The following LRRTM4 variants were observed in gnomAD, a reference collection of about 807,000 sequenced individuals.
LRRTM4 encodes the protein leucine rich repeat transmembrane neuronal 4, also known as leucine-rich repeat transmembrane neuronal protein 4.
LRRTM4 carries 25 observed loss-of-function variants against 47.6 expected under a neutral mutation model. That is an observed-to-expected ratio of 0.53 (90% confidence interval 0.38 to 0.73). The LOEUF (loss-of-function observed/expected upper bound fraction) is 0.73, where lower values mean the gene tolerates loss of function less well. Among genes scored for constraint, LRRTM4 ranks in the 30% least tolerant of loss-of-function variants. The pLI is 0.00. For synonymous variants in LRRTM4, 311 were observed against 269.5 expected (o/e 1.15, Z -1.51); for missense variants, 638 against 713.4 (o/e 0.89, Z 1.20).
chr2:76,777,325 A>T (rs1674072653), intron 3 of LRRTM4, among the ~76,000 whole-genome samples: 1 of 142,418 alleles, frequency 7.0e-6, no homozygotes, highest in Non-Finnish European at 1.5e-5. Context: ...TGGGGATGGC[A>T]TTGAATCTGT....
chr2:77,023,025 T>C (rs758816083), intron 3 of LRRTM4, among the ~76,000 whole-genome samples: 5 of 152,364 alleles, frequency 3.3e-5, no homozygotes, highest in South Asian at 2.1e-4. Flanking sequence ...AACTTCTGCC[T>C]GGACATCCAG....
intron 3 of LRRTM4, among the ~76,000 whole-genome samples, chr2:77,265,316 G>C (rs944925617): frequency 1.3e-5 from 2 of 152,102 alleles, no homozygotes; most frequent in African/African-American, 2.4e-5. Context: ...CAACAGTGTT[G>C]ATAGGTGGAA....
At chr2:76,824,228 T>A (rs1484061739) in intron 3 of LRRTM4, among the ~76,000 whole-genome samples, 1 of 151,584 alleles carries the variant, frequency 6.6e-6, no homozygotes. Context: ...CGTGTTTGCC[T>A]CCGTTTGTAT....
chr2:77,471,975 T>C (rs775120043), intron 3 of LRRTM4, among the ~76,000 whole-genome samples: 1 of 152,180 alleles, frequency 6.6e-6, no homozygotes, highest in Non-Finnish European at 1.5e-5. Flanking sequence ...TGATCATTCA[T>C]AAGCCTGCAT....
intron 3 of LRRTM4, among the ~76,000 whole-genome samples, chr2:76,759,803 G>A (rs1032734043): frequency 6.6e-6 from 1 of 152,084 alleles, no homozygotes; most frequent in African/African-American, 2.4e-5. Flanking sequence ...CAGCGTAAAT[G>A]TCATGCTTCT....
chr2:77,359,530 T>G (rs1672097780), intron 3 of LRRTM4, among the ~76,000 whole-genome samples: 1 of 152,212 alleles, frequency 6.6e-6, no homozygotes, highest in Non-Finnish European at 1.5e-5. Flanking sequence ...TGATAAAAAA[T>G]GTGATGCTCT....
intron 3 of LRRTM4, among the ~76,000 whole-genome samples, chr2:77,127,395 A>C (rs902593061): frequency 1.2e-4 from 18 of 152,210 alleles, no homozygotes; most frequent in Admixed American, 1.2e-3. Flanking sequence ...AATCACATGA[A>C]TCAATAAACT....
rs561602064 is a variant in LRRTM4 at position 77,158,951 on chromosome 2, G to A, written c.1551+359367C>T. 4.5e-4 allele frequency among the ~76,000 whole-genome samples: 68 copies of A among 151,842 alleles called. 1 individual carries two copies. Among genetic ancestry groups the A allele is most frequent in the South Asian group, 2.3e-3 (11 of 4,826 alleles). Reference sequence around the variant, plus strand: ...AGGTATCTCAGAACGCTTTCACTCCGTGAATATTCTTGATTCATATGCTTG... The same window carrying A: ...AGGTATCTCAGAACGCTTTCACTCCATGAATATTCTTGATTCATATGCTTG... On this transcript the variant is annotated intron_variant, in intron 3 of 3. Coordinates refer to ENST00000409884, the MANE Select transcript of LRRTM4 (RefSeq NM_001134745.3).
chr2:77,394,289 T>C (rs527830813), intron 3 of LRRTM4, among the ~76,000 whole-genome samples: 1 of 152,118 alleles, frequency 6.6e-6, no homozygotes, highest in South Asian at 2.1e-4. Flanking sequence ...AAAGAAATAA[T>C]CATTATAGCA....
intron 3 of LRRTM4, among the ~76,000 whole-genome samples, chr2:77,408,721 A>G (rs1674305325): frequency 6.6e-6 from 1 of 152,136 alleles, no homozygotes; most frequent in African/African-American, 2.4e-5. Context: ...TGTGCTCTGT[A>G]TTATAATTGT....
At chr2:76,825,064 G>A (rs750010493) in intron 3 of LRRTM4, among the ~76,000 whole-genome samples, 17 of 151,650 alleles carry the variant, frequency 1.1e-4, no homozygotes, top group South Asian at 2.1e-4. Flanking sequence ...GCGATAGAAC[G>A]TAAAGACCTA....
chr2:77,354,126 T>C (rs1371144819), intron 3 of LRRTM4, among the ~76,000 whole-genome samples: 1 of 152,170 alleles, frequency 6.6e-6, no homozygotes, highest in Non-Finnish European at 1.5e-5. Context: ...GGCAGTAACT[T>C]CCAGGTGTTG....
intron 3 of LRRTM4, among the ~76,000 whole-genome samples, chr2:77,293,227 G>T (rs1335582157): frequency 1.3e-5 from 2 of 152,068 alleles, no homozygotes; most frequent in Non-Finnish European, 2.9e-5. Context: ...CCCAAATGAA[G>T]AAAGTTCTGA....
At chr2:77,388,539 T>C (rs966778808) in intron 3 of LRRTM4, among the ~76,000 whole-genome samples, 3 of 152,178 alleles carry the variant, frequency 2.0e-5, no homozygotes, top group African/African-American at 7.2e-5. Context: ...ATGTAAGTGT[T>C]TTTGAAATTT....
At chr2:77,490,992 A>T (rs1370036852) in intron 3 of LRRTM4, among the ~76,000 whole-genome samples, 1 of 152,160 alleles carries the variant, frequency 6.6e-6, no homozygotes, top group East Asian at 1.9e-4. Flanking sequence ...ACTAATCTGG[A>T]TAGGTACCAA....
intron 3 of LRRTM4, among the ~76,000 whole-genome samples, chr2:77,017,034 G>C (rs1320733927): frequency 6.6e-6 from 1 of 151,946 alleles, no homozygotes; most frequent in African/African-American, 2.4e-5. Context: ...AAAATATATT[G>C]GGTGTTATTC....
chr2:77,021,289 G>A lies in LRRTM4; in HGVS notation c.1552-272373C>T, dbSNP rs561676367. On this transcript the variant is annotated intron_variant, in intron 3 of 3. Transcript: ENST00000409884. The stretch of plus-strand genomic sequence containing the variant: ...TGCTAGGAACTTGTAAGATGTTGGG[G>A]GTGCAGAGAGAGTATGACCATATTT... Among the ~76,000 whole-genome samples, 4 of 152,126 alleles carry A rather than the reference G, an allele frequency of 2.6e-5. No homozygotes were observed. The South Asian group carries it at 6.2e-4, about 24-fold the overall frequency.
intron 3 of LRRTM4, among the ~76,000 whole-genome samples, chr2:77,247,674 A>T (rs1675484845): frequency 6.6e-6 from 1 of 152,080 alleles, no homozygotes; most frequent in African/African-American, 2.4e-5. Flanking sequence ...AACATCTGTG[A>T]TTGCTAAGAG....
intron 3 of LRRTM4, among the ~76,000 whole-genome samples, chr2:77,242,187 A>G (rs1004084020): frequency 3.9e-5 from 6 of 152,140 alleles, no homozygotes; most frequent in African/African-American, 1.4e-4. Context: ...AAATCATTGG[A>G]ATTTGGATAA....
Sources: allele counts gnomAD v4.1 joint callset (sites outside exome capture counted in the v4.1 genomes callset), GRCh38; gene constraint gnomAD v4.1.1; transcripts MANE v1.5; gene names NCBI Gene and HGNC (gene_info 2026-07-23, HGNC 2026-07-21).